The following PTPRD variants were observed in gnomAD, a reference collection of about 807,000 sequenced individuals.
The protein encoded by PTPRD is receptor-type tyrosine-protein phosphatase delta.
PTPRD carries 34 observed loss-of-function variants against 214.5 expected under a neutral mutation model. The observed-to-expected ratio is 0.16, with a 90% CI of 0.12 to 0.21. The LOEUF is 0.21. PTPRD is among the 10% of genes least tolerant of loss of function. The pLI is 1.00. For missense variants in PTPRD, 2,545 were observed against 2,398.7 expected, an observed-to-expected ratio of 1.06 and a Z score of -1.27; for synonymous variants, 1,128 against 845.7, an observed-to-expected ratio of 1.33 and a Z score of -5.79.
chr9:9,414,894 C>A (rs2076546491), intron 8 of PTPRD: 1 of 152,158 alleles, frequency 6.6e-6, no homozygotes, highest in African/African-American at 2.4e-5. Context: ...AAGATAATTA[C>A]CTGCTGGCCA....
chr9:10,222,624 T>C (rs567743631), intron 3 of PTPRD, among the ~76,000 whole-genome samples: 6 of 152,082 alleles, frequency 3.9e-5, no homozygotes, highest in Non-Finnish European at 5.9e-5. Context: ...TAACTTGTTC[T>C]GGAGTAGCCC....
At chr9:9,400,350 T>C (rs894260711) in intron 8 of PTPRD, among the ~76,000 whole-genome samples, 1 of 151,982 alleles carries the variant, frequency 6.6e-6, no homozygotes, top group Non-Finnish European at 1.5e-5. Context: ...GCAGGGAATA[T>C]TTAAATGTCC....
At chr9:8,948,494 T>TAC (rs1491558954) in intron 11 of PTPRD, among the ~76,000 whole-genome samples, 12 of 49,068 alleles carry the variant, frequency 2.4e-4, no homozygotes, top group African/African-American at 1.0e-3. Flanking sequence ...TATATATATT[T>TAC]ATATATATAT....
intron 9 of PTPRD, among the ~76,000 whole-genome samples, chr9:9,323,782 G>C (rs1355591488): frequency 6.6e-6 from 1 of 152,068 alleles, no homozygotes; most frequent in South Asian, 2.1e-4. Context: ...ATGTTGGTTT[G>C]CTGCACCCAT....
intron 2 of PTPRD, among the ~76,000 whole-genome samples, chr9:10,602,553 C>T (rs1423808776): frequency 2.0e-5 from 3 of 151,490 alleles, no homozygotes; most frequent in East Asian, 1.9e-4. Flanking sequence ...CAGTGATCAA[C>T]GTATGAGAAA....
In PTPRD at chr9:10,051,548, C is replaced by A. The variant is rs566204842; in HGVS notation, c.-544-17758G>T. ...GTGTGCCATGTTGGTGTGCTGCACCCATTAACTCGTCATTTAGCATTAGGT... is the reference window on the plus strand; with the variant it reads ...GTGTGCCATGTTGGTGTGCTGCACCAATTAACTCGTCATTTAGCATTAGGT... On this transcript the variant is annotated intron_variant, in intron 3 of 45. Coordinates refer to ENST00000381196, the MANE Select transcript of PTPRD (RefSeq NM_002839.4). Among the ~76,000 whole-genome samples, 4 of 152,044 alleles carry A rather than the reference C, an allele frequency of 2.6e-5. No individual in the cohort carries two copies. In the East Asian group the frequency reaches 7.8e-4, roughly 30 times the overall value.
chr9:8,436,677 T>C lies in PTPRD; in HGVS notation c.4001A>G (p.His1334Arg). 4.3e-6 allele frequency: 7 copies of C among 1,612,746 alleles called. No homozygotes were observed. Among genetic ancestry groups the C allele is most frequent in the Non-Finnish European group, 5.9e-6 (7 of 1,179,326 alleles). Residue 1334 changes from histidine (H) to arginine (R), a missense_variant, in exon 35 of 46, where the codon CAT (histidine) becomes CGT (arginine). By Grantham distance (29) the His-to-Arg change is conservative. Transcript: ENST00000381196. ...LNFQTPGMAS[H>R]PPIPILELAD... ...AAGTTCCAAGATGGGTATTGGAGGA[T>C]GGCTAGCCATACCTATTGAAAAAAG...
intron 2 of PTPRD, among the ~76,000 whole-genome samples, chr9:10,499,078 A>G (rs543712236): frequency 6.6e-6 from 1 of 151,950 alleles, no homozygotes; most frequent in Non-Finnish European, 1.5e-5. Context: ...CTATTCCCTC[A>G]GCAAAAGTTG....
chr9:10,336,101 G>A (rs756877856), intron 3 of PTPRD, among the ~76,000 whole-genome samples: 6 of 151,766 alleles, frequency 4.0e-5, no homozygotes, highest in South Asian at 2.1e-4. Context: ...TTTACCCCAC[G>A]GAGCTGAAAA....
chr9:8,424,931 G>A (rs1321427349), intron 35 of PTPRD, among the ~76,000 whole-genome samples: 1 of 152,124 alleles, frequency 6.6e-6, no homozygotes, highest in African/African-American at 2.4e-5. Context: ...CATCTGTGAC[G>A]ATGGAAAGAC....
intron 10 of PTPRD, among the ~76,000 whole-genome samples, chr9:9,180,342 C>G (rs1383520877): frequency 1.3e-5 from 2 of 150,438 alleles, no homozygotes; most frequent in Non-Finnish European, 3.0e-5. Flanking sequence ...CAAACTATCG[C>G]AAGGACAAAA....
At chr9:10,175,453 C>T (rs557663641) in intron 3 of PTPRD, among the ~76,000 whole-genome samples, 1 of 151,982 alleles carries the variant, frequency 6.6e-6, no homozygotes, top group South Asian at 2.1e-4. Context: ...CATAATATAA[C>T]ATTAAATATG....
chr9:10,229,284 G>A (rs188132749), intron 3 of PTPRD, among the ~76,000 whole-genome samples: 9 of 152,198 alleles, frequency 5.9e-5, no homozygotes, highest in Admixed American at 1.3e-4. Flanking sequence ...CATTGTGGAA[G>A]TCACTGTGGC....
At chr9:9,404,734 C>A (rs1285781665) in intron 8 of PTPRD, among the ~76,000 whole-genome samples, 1 of 151,994 alleles carries the variant, frequency 6.6e-6, no homozygotes, top group African/African-American at 2.4e-5. Flanking sequence ...ATCATTATCA[C>A]AGAGAACATG....
At chr9:8,609,894 T>A (rs1595175530) in intron 14 of PTPRD, among the ~76,000 whole-genome samples, 2 of 152,180 alleles carry the variant, frequency 1.3e-5, no homozygotes, top group Admixed American at 1.3e-4. Flanking sequence ...GTATATTTCC[T>A]ACATTAAAAA....
chr9:10,181,424 G>A (rs1332167083), intron 3 of PTPRD, among the ~76,000 whole-genome samples: 1 of 152,040 alleles, frequency 6.6e-6, no homozygotes, highest in African/African-American at 2.4e-5. Context: ...TGACATTGTG[G>A]ATATCTGTTT....
intron 8 of PTPRD, among the ~76,000 whole-genome samples, chr9:9,418,560 T>C (rs2077672819): frequency 6.6e-6 from 1 of 152,028 alleles, no homozygotes; most frequent in Admixed American, 6.6e-5. Context: ...AGCTATTTCG[T>C]ATCTCAATTT....
At chr9:9,932,868 C>T (rs925970969) in intron 5 of PTPRD, among the ~76,000 whole-genome samples, 2 of 130,632 alleles carry the variant, frequency 1.5e-5, no homozygotes, top group African/African-American at 5.6e-5. Flanking sequence ...ATCAGACTAA[C>T]AGCAGATCTC....
intron 9 of PTPRD, among the ~76,000 whole-genome samples, chr9:9,244,624 A>G (rs1383936864): frequency 1.3e-5 from 2 of 152,198 alleles, no homozygotes; most frequent in East Asian, 3.9e-4. Context: ...TACACCTTAT[A>G]CAAAAATTAA....
Sources: gnomAD v4.1 joint callset for allele counts (sites outside exome capture counted in the v4.1 genomes callset) on GRCh38, gnomAD v4.1.1 for gene constraint, MANE v1.5 for transcripts, NCBI Gene and HGNC (gene_info 2026-07-23, HGNC 2026-07-21) for gene names.